SPAG16: variants seen among roughly 807,000 people sequenced by gnomAD.
The protein encoded by SPAG16 is sperm associated antigen 16.
SPAG16 carries 86 observed loss-of-function variants against 80.4 expected under a neutral mutation model. That is an observed-to-expected ratio of 1.07 (90% CI 0.90 to 1.28). The LOEUF (loss-of-function observed/expected upper bound fraction) is 1.28, where lower values mean the gene tolerates loss of function less well. Ranked by LOEUF, SPAG16 falls within the 50% of genes most tolerant of loss-of-function variation. SPAG16 has a pLI of 0.00. For synonymous variants in SPAG16, 294 were observed against 265.9 expected, an observed-to-expected ratio of 1.11 and a Z score of -1.03; for missense variants, 870 against 765.3, an observed-to-expected ratio of 1.14 and a Z score of -1.61.
chr2:213,339,286 C>G (rs192742018), intron 5 of SPAG16, among the ~76,000 whole-genome samples: 232 of 152,194 alleles, frequency 1.5e-3, no homozygotes, highest in African/African-American at 5.4e-3. Flanking sequence ...TAATTGTGAC[C>G]CAGAGAAGTA....
chr2:213,380,904 G>A (rs1471824142), intron 9 of SPAG16, among the ~76,000 whole-genome samples: 2 of 152,156 alleles, frequency 1.3e-5, no homozygotes, highest in African/African-American at 2.4e-5. Flanking sequence ...CGATAAATGG[G>A]CCAGAGTTAC....
intron 10 of SPAG16, among the ~76,000 whole-genome samples, chr2:213,837,671 A>C (rs748532854): frequency 6.6e-6 from 1 of 152,240 alleles, no homozygotes; most frequent in East Asian, 1.9e-4. Flanking sequence ...TCCATGCCCC[A>C]AAACCCGGAA....
chr2:214,041,295 T>C (rs988737763), intron 13 of SPAG16, among the ~76,000 whole-genome samples: 1 of 152,042 alleles, frequency 6.6e-6, no homozygotes, highest in Non-Finnish European at 1.5e-5. Context: ...AGTTTTCTTC[T>C]TTTTCACTGT....
chr2:213,744,236 A>G (rs2067710748), intron 10 of SPAG16, among the ~76,000 whole-genome samples: 4 of 152,162 alleles, frequency 2.6e-5, no homozygotes, highest in Admixed American at 2.0e-4. Flanking sequence ...TGGGTTGTCA[A>G]TGAAGTAGGT....
At chr2:214,006,211 T>A (rs2047020543) in intron 12 of SPAG16, among the ~76,000 whole-genome samples, 1 of 152,202 alleles carries the variant, frequency 6.6e-6, no homozygotes, top group East Asian at 1.9e-4. Context: ...GACCTGCATA[T>A]TCCTACAAGC....
At chr2:213,424,832 G>A (rs2125451837) in intron 9 of SPAG16, among the ~76,000 whole-genome samples, 1 of 152,224 alleles carries the variant, frequency 6.6e-6, no homozygotes, top group South Asian at 2.1e-4. Flanking sequence ...TAGGCTCTGG[G>A]CTTAGGAATA....
intron 9 of SPAG16, among the ~76,000 whole-genome samples, chr2:213,446,262 T>C (rs2071304372): frequency 6.6e-6 from 1 of 152,158 alleles, no homozygotes. Context: ...ATGGCTGAAA[T>C]GACAGACATT....
intron 3 of SPAG16, among the ~76,000 whole-genome samples, chr2:213,303,894 C>T (rs1294475478): frequency 6.6e-6 from 1 of 151,994 alleles, no homozygotes; most frequent in African/African-American, 2.4e-5. Flanking sequence ...GAGTATATTC[C>T]TGGTAGTAGG....
chr2:213,399,693 A>C (rs1181944625), intron 9 of SPAG16, among the ~76,000 whole-genome samples: 1 of 151,924 alleles, frequency 6.6e-6, no homozygotes, highest in East Asian at 1.9e-4. Flanking sequence ...CCTTTCTTCT[A>C]TTCTTTGAAA....
intron 10 of SPAG16, among the ~76,000 whole-genome samples, chr2:213,540,206 T>A (rs1018262398): frequency 8.6e-5 from 11 of 127,582 alleles, no homozygotes; most frequent in Non-Finnish European, 1.6e-4. Context: ...AGCTAATTTT[T>A]ATTTTTTTAT....
chr2:214,262,766 T>C (rs1691270037), intron 15 of SPAG16, among the ~76,000 whole-genome samples: 1 of 152,118 alleles, frequency 6.6e-6, no homozygotes, highest in African/African-American at 2.4e-5. Flanking sequence ...TACCACTAAG[T>C]ATAGACAATG....
rs141282398 is a variant in SPAG16, at chr2:214,106,767, T to A, written c.1528-1429T>A. 8.5e-5 allele frequency among the ~76,000 whole-genome samples: 13 copies of A among 152,288 alleles called. No homozygotes were observed. The East Asian group carries it at 2.5e-3, about 29-fold the overall frequency. On this transcript the variant is annotated intron_variant, in intron 13 of 15. Transcript: ENST00000331683. Reference sequence around the variant, plus strand: ...ATACAAGGTAGTGAATGAGAGTAGATGAAGACTTTTGAGTGAATCTACTCT... The same window carrying A: ...ATACAAGGTAGTGAATGAGAGTAGAAGAAGACTTTTGAGTGAATCTACTCT...
intron 10 of SPAG16, among the ~76,000 whole-genome samples, chr2:213,519,355 CTA>C (rs1202569714): frequency 6.6e-6 from 1 of 152,100 alleles, no homozygotes; most frequent in East Asian, 1.9e-4. Context: ...CCCATAATTC[CTA>C]TGTGTTGTGG....
chr2:213,895,110 T>C, intron 11 of SPAG16, among the ~76,000 whole-genome samples: 1 of 151,434 alleles, frequency 6.6e-6, no homozygotes, highest in East Asian at 1.9e-4. Flanking sequence ...ATCAATAGTA[T>C]TTATATACAC....
chr2:214,106,155 G>A (rs2053371658), intron 13 of SPAG16, among the ~76,000 whole-genome samples: 1 of 152,006 alleles, frequency 6.6e-6, no homozygotes, highest in Admixed American at 6.6e-5. Context: ...AAGACAATTT[G>A]CTAATTTATA....
intron 10 of SPAG16, among the ~76,000 whole-genome samples, chr2:213,534,461 A>G (rs1479275494): frequency 6.6e-6 from 1 of 152,164 alleles, no homozygotes; most frequent in Non-Finnish European, 1.5e-5. Context: ...TTTCTTCAAA[A>G]TAACAAACTA....
chr2:214,061,418 T>C (rs1343959124), intron 13 of SPAG16, among the ~76,000 whole-genome samples: 2 of 152,206 alleles, frequency 1.3e-5, no homozygotes, highest in African/African-American at 2.4e-5. Flanking sequence ...CATGCGTGTG[T>C]ATACATATAC....
intron 15 of SPAG16, among the ~76,000 whole-genome samples, chr2:214,206,930 A>C (rs1198282998): frequency 6.6e-6 from 1 of 152,184 alleles, no homozygotes; most frequent in Non-Finnish European, 1.5e-5. Flanking sequence ...AGATTGATGT[A>C]AAAAATTAAT....
intron 11 of SPAG16, among the ~76,000 whole-genome samples, chr2:213,911,409 T>C (rs1349014777): frequency 1.3e-5 from 2 of 152,182 alleles, no homozygotes; most frequent in African/African-American, 4.8e-5. Flanking sequence ...CCTCCCAAAA[T>C]GCTGGGATTA....
Sources: allele counts gnomAD v4.1 joint callset (sites outside exome capture counted in the v4.1 genomes callset), GRCh38; gene constraint gnomAD v4.1.1; transcripts MANE v1.5; gene names NCBI Gene and HGNC (gene_info 2026-07-23, HGNC 2026-07-21).